SEMA3A: variants seen among roughly 807,000 people sequenced by gnomAD.
SEMA3A encodes the protein semaphorin-3A.
Under a neutral mutation model 97.9 loss-of-function variants are expected in SEMA3A, and 29 were observed. The observed-to-expected ratio is 0.30, with a 90% confidence interval of 0.22 to 0.40. The LOEUF (loss-of-function observed/expected upper bound fraction) is 0.40. Among genes scored for constraint, SEMA3A ranks in the 10% least tolerant of loss-of-function variants. The pLI, the probability that SEMA3A is intolerant of heterozygous loss-of-function variation, is 1.00. For synonymous variants in SEMA3A, 321 were observed against 323.7 expected, an observed-to-expected ratio of 0.99 and a Z score of 0.09; for missense variants, 763 against 951.3, an observed-to-expected ratio of 0.80 and a Z score of 2.60.
intron 15 of SEMA3A, among the ~76,000 whole-genome samples, chr7:83,968,247 A>G (rs1023622237): frequency 3.3e-5 from 5 of 152,350 alleles, no homozygotes; most frequent in Admixed American, 3.3e-4. Flanking sequence ...TTGATCTGAG[A>G]GCAGTTTACA....
At chr7:84,487,802 TA>T (rs991986588) in intron 1 of SEMA3A, among the ~76,000 whole-genome samples, 6 of 151,868 alleles carry the variant, frequency 4.0e-5, no homozygotes, top group African/African-American at 7.2e-5. Context: ...TTTTTCTCTT[TA>T]AAAAAAACAA....
intron 2 of SEMA3A, among the ~76,000 whole-genome samples, chr7:84,322,029 C>G (rs1801661961): frequency 6.6e-6 from 1 of 151,690 alleles, no homozygotes; most frequent in Non-Finnish European, 1.5e-5. Context: ...GAAATCACCT[C>G]ATCACAGGGT....
At chr7:84,347,281 G>A (rs1266999169) in intron 2 of SEMA3A, among the ~76,000 whole-genome samples, 1 of 151,560 alleles carries the variant, frequency 6.6e-6, no homozygotes, top group Admixed American at 6.6e-5. Context: ...TTCTTAGTAG[G>A]GAATAACTAA....
intron 1 of SEMA3A, among the ~76,000 whole-genome samples, chr7:84,456,029 T>C (rs1469625180): frequency 6.6e-6 from 1 of 151,872 alleles, no homozygotes; most frequent in East Asian, 1.9e-4. Context: ...GCTACCCAAT[T>C]TATGTGATCC....
intron 4 of SEMA3A, among the ~76,000 whole-genome samples, chr7:84,097,708 A>C (rs747781469): frequency 4.4e-4 from 67 of 152,300 alleles, no homozygotes; most frequent in Middle Eastern, 3.4e-3. Flanking sequence ...AAATGTATAA[A>C]TCTTAAAGCT....
At chr7:84,132,662 GTTTTTTTTTTTTTTTTTTTT>G (rs55830654) in intron 2 of SEMA3A, among the ~76,000 whole-genome samples, 1 of 86,630 alleles carries the variant, frequency 1.2e-5, no homozygotes, top group Non-Finnish European at 2.2e-5. Context: ...TCGACTTGGT[GTTTTTTTTTTTTTTTTTTTT>G]TTTTTTTTTT....
rs913425592 is a variant in SEMA3A at position 84,207,515 on chromosome 7, A to C, written c.-82-12847T>G. On this transcript the variant is annotated intron_variant, in intron 3 of 3. Coordinates refer to the SEMA3A transcript ENST00000424555. ...TTCTTACTTAAAATATAATTGCTTAAAAGGGCTATGTTAAGAAACTCTGTT... is the reference window on the plus strand; with the variant it reads ...TTCTTACTTAAAATATAATTGCTTACAAGGGCTATGTTAAGAAACTCTGTT... 1.8e-4 allele frequency among the ~76,000 whole-genome samples: 27 copies of C among 152,220 alleles called. 1 individual carries two copies. Among genetic ancestry groups the C allele is most frequent in the Admixed American group, 1.8e-3 (27 of 15,274 alleles).
chr7:84,053,721 T>G (rs1177769887), intron 5 of SEMA3A, among the ~76,000 whole-genome samples: 1 of 150,080 alleles, frequency 6.7e-6, no homozygotes, highest in Non-Finnish European at 1.5e-5. Flanking sequence ...CATTTAAAGT[T>G]AATATTGTTA....
chr7:84,047,646 C>A (rs1348100410), intron 5 of SEMA3A, among the ~76,000 whole-genome samples: 1 of 151,922 alleles, frequency 6.6e-6, no homozygotes, highest in Non-Finnish European at 1.5e-5. Flanking sequence ...AACAAAACAA[C>A]AAAGGTTATA....
intron 3 of SEMA3A, among the ~76,000 whole-genome samples, chr7:84,223,276 T>A (rs1798919665): frequency 6.6e-6 from 1 of 151,846 alleles, no homozygotes; most frequent in Non-Finnish European, 1.5e-5. Flanking sequence ...CTTTGTTACC[T>A]CTCTCCATAT....
chr7:84,074,786 T>C (rs1298328870), intron 4 of SEMA3A, among the ~76,000 whole-genome samples: 2 of 151,752 alleles, frequency 1.3e-5, no homozygotes, highest in Non-Finnish European at 2.9e-5. Context: ...ATTATTGTTA[T>C]TATGCTTACT....
At chr7:84,043,954 G>T (rs2115569399) in intron 6 of SEMA3A, among the ~76,000 whole-genome samples, 1 of 152,036 alleles carries the variant, frequency 6.6e-6, no homozygotes, top group East Asian at 1.9e-4. Context: ...TTAACTTGAT[G>T]GGTTTTTTTC....
chr7:84,007,437 G>C lies in SEMA3A; in HGVS notation c.1056C>G (p.Phe352Leu), dbSNP rs1206711141. Residue 352 changes from phenylalanine to leucine, a missense_variant, in exon 10 of 17, where the codon TTC (phenylalanine) becomes TTG (leucine). Phe to Leu is a conservative substitution (Grantham distance 22). This residue lies in a region of SEMA3A where 678 missense variants were observed against 881.3 expected (regional missense o/e 0.77). Coordinates refer to ENST00000265362, the MANE Select transcript of SEMA3A (RefSeq NM_006080.3). ...CATCCCTGTGGGCATATGGACCAAG[G>C]AACACCCTTCTCACATCACTCATGC... is the stretch of plus-strand genomic sequence containing the variant. ...MYSMSDVRRVFLGPYAHRDGP... is the reference protein window; with the variant it reads ...MYSMSDVRRVLLGPYAHRDGP... 1 of 1,606,816 alleles carries C rather than the reference G, an allele frequency of 6.2e-7. No homozygotes were observed. The highest frequency in any genetic ancestry group is 8.5e-7 in the Non-Finnish European group (1 of 1,176,570).
At chr7:84,198,264 C>A (rs762679388), upstream of SEMA3A, among the ~76,000 whole-genome samples, 39 of 151,940 alleles carry the variant, frequency 2.6e-4, no homozygotes, top group South Asian at 2.1e-4. Flanking sequence ...GGCACGATCT[C>A]GACTCACCGC....
chr7:84,229,695 A>G (rs1333412971), intron 3 of SEMA3A, among the ~76,000 whole-genome samples: 1 of 152,082 alleles, frequency 6.6e-6, no homozygotes, highest in East Asian at 1.9e-4. Flanking sequence ...TTATAATGGA[A>G]CACTATTAAT....
intron 1 of SEMA3A, among the ~76,000 whole-genome samples, chr7:84,372,943 T>C (rs1803007328): frequency 1.3e-5 from 2 of 152,294 alleles, no homozygotes; most frequent in South Asian, 4.1e-4. Flanking sequence ...GACTTGCTTT[T>C]GCAAATAGGA....
intron 1 of SEMA3A, among the ~76,000 whole-genome samples, chr7:84,463,066 C>G (rs1370160211): frequency 1.3e-5 from 2 of 151,906 alleles, no homozygotes; most frequent in Non-Finnish European, 2.9e-5. Context: ...TAATGTTTTA[C>G]TTCTTTTGAA....
At chr7:84,095,358 CATATATATAT>C (rs200107086) in intron 4 of SEMA3A, among the ~76,000 whole-genome samples, 2,269 of 122,870 alleles carry the variant, frequency 0.018, 49 homozygotes, top group Middle Eastern at 0.038. Flanking sequence ...TTTTTATATA[CATATATATAT>C]ATATATATAT....
rs148134924 is a variant in SEMA3A at position 84,060,520 on chromosome 7, G to A, written c.492C>T (p.Asn164=). Residue 164 remains asparagine, a synonymous_variant, in exon 5 of 17, where the codon AAC becomes AAT. Transcript: ENST00000265362. ...IFKLENSHFE[N]GRGKSPYDPK... The stretch of plus-strand genomic sequence containing the variant: ...GGTCATATGGACTCTTCCCACGGCC[G>A]TTTTCAAAATGTGAGTTCTCCAGCT... 53 of 1,595,582 alleles carry A rather than the reference G, an allele frequency of 3.3e-5. No individual in the cohort carries two copies. In the African/African-American group the frequency reaches 4.1e-4, roughly 12 times the overall value.
Sources: allele counts gnomAD v4.1 joint callset (sites outside exome capture counted in the v4.1 genomes callset), GRCh38; gene constraint gnomAD v4.1.1; regional missense constraint gnomAD v4.1.1; transcripts MANE v1.5; gene names NCBI Gene and HGNC (gene_info 2026-07-23, HGNC 2026-07-21).